The following EDN1 variants were observed in gnomAD, a reference collection of about 807,000 sequenced individuals.
EDN1 encodes the protein endothelin-1.
A neutral mutation model predicts 21.7 loss-of-function variants in EDN1; 11 were observed. The observed-to-expected ratio is 0.51, with a 90% CI of 0.32 to 0.84. EDN1 has a LOEUF of 0.84. EDN1 is among the 40% of genes least tolerant of loss of function. The pLI, the probability that EDN1 is intolerant of heterozygous loss-of-function variation, is 0.03. For synonymous variants in EDN1, 85 were observed against 90.6 expected (o/e 0.94, Z 0.35); for missense variants, 244 against 262.3 (o/e 0.93, Z 0.48).
the EDN1 span, among the ~76,000 whole-genome samples, chr6:12,254,599 A>G: frequency 6.6e-6 from 1 of 152,220 alleles, no homozygotes; most frequent in African/African-American, 2.4e-5. Flanking sequence ...AGAAGTAAGA[A>G]TGCAACCTAA....
the EDN1 span, among the ~76,000 whole-genome samples, chr6:12,284,740 G>GAAAGA: frequency 8.7e-4 from 74 of 85,320 alleles, no homozygotes; most frequent in Middle Eastern, 5.4e-3. Flanking sequence ...AGGAAGGAAG[G>GAAAGA]AAGGAAGGAA....
At chr6:12,285,632 C>T (rs756844663), upstream of EDN1, among the ~76,000 whole-genome samples, 5 of 152,094 alleles carry the variant, frequency 3.3e-5, no homozygotes, top group Admixed American at 6.5e-5. Context: ...AGTGCAGTGG[C>T]GCAATCTCGG....
the EDN1 span, among the ~76,000 whole-genome samples, chr6:12,260,805 A>G: frequency 2.0e-5 from 3 of 151,970 alleles, no homozygotes; most frequent in Non-Finnish European, 4.4e-5. Context: ...TATCTCCTGG[A>G]CTTAGACCAC....
At chr6:12,293,829 CA>C in intron 2 of EDN1, 111 bp from the exon 3 acceptor site, 1 of 1,223,942 alleles carries the variant, frequency 8.2e-7, no homozygotes, top group African/African-American at 1.5e-5. Context: ...ATGATGCTCC[CA>C]AGTGCTATGT....
chr6:12,266,680 A>G, the EDN1 span, among the ~76,000 whole-genome samples: 1 of 152,186 alleles, frequency 6.6e-6, no homozygotes, highest in African/African-American at 2.4e-5. Context: ...GTGACAACTA[A>G]GCAGAGTCCT....
intron 4 of EDN1, 42 bp from the exon 5 acceptor site, chr6:12,295,920 T>A: frequency 6.3e-7 from 1 of 1,599,902 alleles, no homozygotes; most frequent in Non-Finnish European, 8.6e-7. Context: ...AAGGGTGATT[T>A]TTTTAAAATA....
the EDN1 span, among the ~76,000 whole-genome samples, chr6:12,273,438 G>C: frequency 6.6e-6 from 1 of 152,068 alleles, no homozygotes; most frequent in Non-Finnish European, 1.5e-5. Context: ...ATAAGGCAAT[G>C]AATGTATTTG....
chr6:12,273,369 T>C, the EDN1 span, among the ~76,000 whole-genome samples: 8 of 152,206 alleles, frequency 5.3e-5, no homozygotes, highest in East Asian at 1.9e-4. Flanking sequence ...TTCTCAGTGA[T>C]AGGGAGGAAG....
chr6:12,285,206 G>C, the EDN1 span, among the ~76,000 whole-genome samples: 1 of 152,152 alleles, frequency 6.6e-6, no homozygotes, highest in African/African-American at 2.4e-5. Context: ...ATGCATGTGT[G>C]TCAGTGGCAC....
At chr6:12,292,279 T>C (rs1002377431) in intron 1 of EDN1, 62 bp from the exon 2 acceptor site, 3 of 1,603,452 alleles carry the variant, frequency 1.9e-6, no homozygotes, top group Non-Finnish European at 2.6e-6. Context: ...TCTACTGTGA[T>C]CCAGCATGTC....
chr6:12,295,918 T>G (rs760406499), intron 4 of EDN1, 44 bp from the exon 5 acceptor site: 1 of 1,562,586 alleles, frequency 6.4e-7, no homozygotes, highest in South Asian at 1.1e-5. Flanking sequence ...CAAAGGGTGA[T>G]TTTTTTAAAA....
chr6:12,264,870 T>G, the EDN1 span, among the ~76,000 whole-genome samples: 153 of 152,282 alleles, frequency 1.0e-3, 1 homozygote, highest in Non-Finnish European at 1.7e-3. Context: ...GCCCACAAAT[T>G]CATAATATTA....
the EDN1 span, among the ~76,000 whole-genome samples, chr6:12,250,458 C>A: frequency 6.6e-6 from 1 of 152,022 alleles, no homozygotes; most frequent in Admixed American, 6.6e-5. Flanking sequence ...CAATATTATT[C>A]AAAATTTCTT....
upstream of EDN1, chr6:12,290,359 T>C (rs1363914674): frequency 1.9e-6 from 1 of 519,278 alleles, no homozygotes; most frequent in African/African-American, 1.9e-5. Context: ...GCTGTCCAAG[T>C]CAGACGCGCC....
In EDN1 at chr6:12,290,618, CT is replaced by C. The variant is rs533831847; in HGVS notation, c.-5del. ...AGTTTGAACGGGAGGTTTTTGATCC[CT>C]TTTTTTCAGAATGGATTATTTGCTC... On this transcript the variant is annotated 5_prime_UTR_variant, in exon 1 of 5. Transcript: ENST00000379375. 11 of 1,613,536 alleles carry C rather than the reference CT, an allele frequency of 6.8e-6. No homozygotes were observed. In the African/African-American group the frequency reaches 9.3e-5, roughly 14 times the overall value.
the EDN1 span, among the ~76,000 whole-genome samples, chr6:12,247,768 A>G: frequency 1.3e-5 from 2 of 151,822 alleles, no homozygotes; most frequent in African/African-American, 4.8e-5. Flanking sequence ...CAATCTCCTG[A>G]CCTCAGGTGA....
At chr6:12,232,298 C>T in the EDN1 span, among the ~76,000 whole-genome samples, 1 of 149,864 alleles carries the variant, frequency 6.7e-6, no homozygotes, top group East Asian at 1.9e-4. Flanking sequence ...ATAGTCTCTA[C>T]CAATACATAT....
chr6:12,274,982 T>TTGC, the EDN1 span, among the ~76,000 whole-genome samples: 74 of 140,254 alleles, frequency 5.3e-4, no homozygotes, highest in African/African-American at 1.8e-3. Context: ...TGCTCCTTCC[T>TTGC]TCCCTCCCTC....
chr6:12,242,928 C>T, the EDN1 span, among the ~76,000 whole-genome samples: 1 of 152,266 alleles, frequency 6.6e-6, no homozygotes, highest in South Asian at 2.1e-4. Flanking sequence ...CCCTCCTGAG[C>T]ACTTAGAATT....
Sources: allele counts gnomAD v4.1 joint callset (sites outside exome capture counted in the v4.1 genomes callset), GRCh38; gene constraint gnomAD v4.1.1; transcripts MANE v1.5; gene names NCBI Gene and HGNC (gene_info 2026-07-23, HGNC 2026-07-21).